Variants in ARPC1A observed in about 807,000 individuals in gnomAD.
ARPC1A encodes the protein actin related protein 2/3 complex subunit 1A.
Under a neutral mutation model 46.9 loss-of-function variants are expected in ARPC1A, and 8 were observed. The ratio of observed to expected loss-of-function variants is 0.17; its 90% CI spans 0.10 to 0.31. The LOEUF is 0.31. Among genes scored for constraint, ARPC1A ranks in the 10% least tolerant of loss-of-function variants. ARPC1A has a pLI of 1.00. For missense variants in ARPC1A, 286 were observed against 483.6 expected, an observed-to-expected ratio of 0.59 and a Z score of 3.83; for synonymous variants, 152 against 169.0, an observed-to-expected ratio of 0.90 and a Z score of 0.78.
chr7:99,366,088 G>A lies in ARPC1A; in HGVS notation c.*159G>A, dbSNP rs1199348807. 1 of 913,448 alleles carries A rather than the reference G, an allele frequency of 1.1e-6. No homozygotes were observed. The highest frequency in any genetic ancestry group is 1.6e-6 in the Non-Finnish European group (1 of 628,466). 56.6% of individuals were successfully genotyped at this position (913,448 alleles called of 1,614,324 possible). On this transcript the variant is annotated 3_prime_UTR_variant, in exon 10 of 10. Transcript: ENST00000262942. ...TGAATATAAAATTGGTGAAAGTGTTGGTTTTTTTAAGGCAGTAATTTTTTT... is the reference window on the plus strand; with the variant it reads ...TGAATATAAAATTGGTGAAAGTGTTAGTTTTTTTAAGGCAGTAATTTTTTT...
At chr7:99,358,299 A>G (rs756655000) in intron 6 of ARPC1A, 41 bp from the exon 7 acceptor site, 1 of 1,574,896 alleles carries the variant, frequency 6.3e-7, no homozygotes, top group Admixed American at 1.7e-5. Flanking sequence ...AGAAGCTAAT[A>G]GTCTGTTGCA....
intron 1 of ARPC1A, among the ~76,000 whole-genome samples, chr7:99,326,732 G>C (rs1380824271): frequency 6.6e-6 from 1 of 152,188 alleles, no homozygotes; most frequent in African/African-American, 2.4e-5. Context: ...AATAGTTCCT[G>C]GCCGAGAGTA....
intron 2 of ARPC1A, among the ~76,000 whole-genome samples, chr7:99,334,004 TACACACAC>T (rs547756931): frequency 2.1e-5 from 3 of 141,328 alleles, no homozygotes; most frequent in Admixed American, 7.1e-5. Context: ...TGTGTGTGTG[TACACACAC>T]ACACACACAC....
intron 7 of ARPC1A, 54 bp from the exon 8 acceptor site, chr7:99,359,491 G>T: frequency 1.3e-6 from 2 of 1,580,606 alleles, no homozygotes; most frequent in Non-Finnish European, 1.7e-6. Flanking sequence ...ACTCTGCCAA[G>T]GAGGTGGGCG....
chr7:99,348,810 C>A, intron 4 of ARPC1A, 42 bp from the exon 5 acceptor site: 2 of 1,528,026 alleles, frequency 1.3e-6, no homozygotes, highest in Non-Finnish European at 9.0e-7. Context: ...TTTGGGGATG[C>A]TGGTTGAGTG....
chr7:99,328,310 G>A (rs966805226), intron 1 of ARPC1A, among the ~76,000 whole-genome samples: 45 of 152,142 alleles, frequency 3.0e-4, no homozygotes, highest in African/African-American at 8.9e-4. Flanking sequence ...CGGAGGTTGC[G>A]GTGAGCTGAG....
chr7:99,346,094 T>A (rs1793439908), intron 4 of ARPC1A, among the ~76,000 whole-genome samples: 1 of 151,820 alleles, frequency 6.6e-6, no homozygotes, highest in African/African-American at 2.4e-5. Context: ...TGCATGCCTG[T>A]AATCCCAGCT....
At position 99,344,441 on chromosome 7, in the gene ARPC1A, C is replaced by T. The variant is rs536180933; in HGVS notation, c.318C>T (p.Pro106=). ...CAGCTACTTTTGTGAAGTGGTCCCC[C>T]CTAGAGAACAAATTTGCTGTGGGAA... ...NRAATFVKWS[P]LENKFAVGSG... is the part of the protein sequence containing the mutation. The change falls in exon 4 of 10, where the codon CCC becomes CCT. Residue 106 remains proline, a synonymous_variant. Transcript: ENST00000262942. 19 of 1,613,922 alleles carry T rather than the reference C, an allele frequency of 1.2e-5. No homozygotes were observed. Among genetic ancestry groups the T allele is most frequent in the Middle Eastern group, 3.3e-4 (2 of 6,056 alleles).
intron 1 of ARPC1A, among the ~76,000 whole-genome samples, chr7:99,329,320 TAAAG>T (rs1793106809): frequency 1.3e-5 from 2 of 148,356 alleles, no homozygotes; most frequent in African/African-American, 2.5e-5. Context: ...AAAAAGAAAA[TAAAG>T]AAAAGGGATG....
chr7:99,363,674 A>C (rs1793778567), intron 9 of ARPC1A, 41 bp downstream of exon 9: 2 of 1,473,370 alleles, frequency 1.4e-6, no homozygotes, highest in Admixed American at 4.4e-5. Context: ...TTGTGTTAAA[A>C]CTTTTTTTTT....
intron 9 of ARPC1A, 42 bp downstream of exon 9, chr7:99,363,675 C>T (rs975191890): frequency 2.6e-5 from 29 of 1,100,832 alleles, no homozygotes; most frequent in Admixed American, 5.5e-5. Context: ...TGTGTTAAAA[C>T]TTTTTTTTTT....
intron 1 of ARPC1A, among the ~76,000 whole-genome samples, 181 bp downstream of exon 1, chr7:99,326,185 C>A (rs1793043389): frequency 6.6e-6 from 1 of 152,154 alleles, no homozygotes; most frequent in Non-Finnish European, 1.5e-5. Context: ...CTCCGTGGAT[C>A]CCCTGCAGCT....
At chr7:99,363,676 T>A in intron 9 of ARPC1A, 43 bp downstream of exon 9, 10 of 182,274 alleles carry the variant, frequency 5.5e-5, no homozygotes, top group South Asian at 1.6e-4. Context: ...GTGTTAAAAC[T>A]TTTTTTTTTT....
rs112934747 is a variant in ARPC1A at position 99,332,791 on chromosome 7, C to T, written c.-29-534C>T. On this transcript the variant is annotated intron_variant, in intron 1 of 9. Coordinates refer to ENST00000262942, the MANE Select transcript of ARPC1A (RefSeq NM_006409.4). ...TAATTTTTTGTATTTTTAGTAGAGA[C>T]GGGGTTTCACCGTGTTAGCCAGGAT... Among the ~76,000 whole-genome samples, 753 of 144,112 alleles carry T rather than the reference C, an allele frequency of 5.2e-3. 6 individuals carry two copies. Among genetic ancestry groups the T allele is most frequent in the Non-Finnish European group, 8.8e-3 (568 of 64,206 alleles). 94.5% of individuals were successfully genotyped at this position (144,112 alleles called of 152,430 possible). A position where few individuals can be genotyped will look rare whatever the true frequency, so the allele number is the denominator to read the frequency against.
chr7:99,352,150 C>T (rs145718392), intron 5 of ARPC1A, among the ~76,000 whole-genome samples: 158 of 152,198 alleles, frequency 1.0e-3, no homozygotes, highest in Middle Eastern at 3.4e-3. Context: ...CCATTGACTG[C>T]GCAGGCTTCC....
chr7:99,337,329 G>A (rs912439096), intron 2 of ARPC1A, among the ~76,000 whole-genome samples: 1 of 152,206 alleles, frequency 6.6e-6, no homozygotes, highest in African/African-American at 2.4e-5. Context: ...GCTAAGGCAG[G>A]AGAATCGCTT....
chr7:99,344,319 C>T lies in ARPC1A; in HGVS notation c.196C>T (p.Arg66Cys), dbSNP rs778562420. The change falls in exon 4 of 10, where the codon CGC becomes TGC. Residue 66 changes from arginine (R) to cysteine (C), a missense_variant. Transcript: ENST00000262942. ...TATTGACTGGGCTCCCAAGAGCGAC[C>T]GCATTGTCACTTGTGGGGCAGACCG... ...TGIDWAPKSD[R>C]IVTCGADRNA... 10 of 1,613,810 alleles carry T rather than the reference C, an allele frequency of 6.2e-6. No homozygotes were observed. Among genetic ancestry groups the T allele is most frequent in the East Asian group, 2.2e-5 (1 of 44,904 alleles).
intron 9 of ARPC1A, 111 bp from the exon 10 acceptor site, chr7:99,365,780 G>A (rs1793829085): frequency 8.3e-7 from 1 of 1,199,192 alleles, no homozygotes. Flanking sequence ...GCAGGGCCAG[G>A]TTCAGGGTGG....
At position 99,333,363 on chromosome 7, in the gene ARPC1A, C is replaced by T. The variant is rs1363229886; in HGVS notation, c.10C>T (p.His4Tyr). The T allele has an allele frequency of 6.2e-7, 1 of 1,613,344 alleles. No individual in the cohort carries two copies. Among genetic ancestry groups the T allele is most frequent in the South Asian group, 1.1e-5 (1 of 90,986 alleles). MSL[H>Y]QFLLEPITCH... is the part of the protein sequence containing the mutation. ...GAAAACACTAAGAATAATGTCACTG[C>T]ATCAGTTTTTACTAGAGCCAATCAC... is the stretch of plus-strand genomic sequence containing the variant. The change falls in exon 2 of 10, where the codon CAT becomes TAT. Residue 4 changes from histidine (H) to tyrosine (Y), a missense_variant. Transcript: ENST00000262942.
Sources: allele counts gnomAD v4.1 joint callset (sites outside exome capture counted in the v4.1 genomes callset), GRCh38; gene constraint gnomAD v4.1.1; transcripts MANE v1.5; gene names NCBI Gene and HGNC (gene_info 2026-07-23, HGNC 2026-07-21).